Variants in RFX4 observed in about 807,000 individuals in gnomAD.
RFX4 encodes the protein regulatory factor X4.
Under a neutral mutation model 95.0 loss-of-function variants are expected in RFX4, and 10 were observed. That is an observed-to-expected ratio of 0.11 (90% confidence interval 0.06 to 0.18). The LOEUF (loss-of-function observed/expected upper bound fraction) is 0.18. Ranked by LOEUF, RFX4 falls within the 10% of genes least tolerant of loss-of-function variation. The probability of loss-of-function intolerance (pLI) is 1.00; values close to 1 mark genes in which losing one functional copy is unlikely to be tolerated. For missense variants in RFX4, 640 were observed against 922.0 expected (o/e 0.69, Z 3.96); for synonymous variants, 321 against 340.7 (o/e 0.94, Z 0.64).
intron 2 of RFX4, among the ~76,000 whole-genome samples, chr12:106,627,703 G>A (rs577706812): frequency 6.6e-6 from 1 of 152,318 alleles, no homozygotes; most frequent in Non-Finnish European, 1.5e-5. Context: ...AAGAGGAAAT[G>A]TCATTAAACC....
chr12:106,731,016 A>G (rs991399475), intron 13 of RFX4, among the ~76,000 whole-genome samples: 15 of 152,160 alleles, frequency 9.9e-5, no homozygotes, highest in Admixed American at 2.6e-4. Flanking sequence ...AAAAGTCTCT[A>G]AAAAAGCAAA....
chr12:106,639,437 T>G lies in RFX4; in HGVS notation c.191+45T>G, dbSNP rs926082034. On this transcript the variant is annotated intron_variant, in intron 3 of 17. Coordinates refer to ENST00000392842, the MANE Select transcript of RFX4 (RefSeq NM_213594.3). ...AAGTTCTGTCTTCAGAGGATGCTCATATCTTCTTGTCTATAGGATAGGATA... is the reference window on the plus strand; with the variant it reads ...AAGTTCTGTCTTCAGAGGATGCTCAGATCTTCTTGTCTATAGGATAGGATA... 8 of 1,532,016 alleles carry G rather than the reference T, an allele frequency of 5.2e-6. No individual in the cohort carries two copies. The African/African-American group carries it at 1.1e-4, about 21-fold the overall frequency. 94.9% of individuals were successfully genotyped at this position (1,532,016 alleles called of 1,614,324 possible).
chr12:106,686,622 TTTGAC>T (rs2137417756), intron 5 of RFX4, among the ~76,000 whole-genome samples: 1 of 152,272 alleles, frequency 6.6e-6, no homozygotes, highest in African/African-American at 2.4e-5. Flanking sequence ...TTGCAAAGTA[TTTGAC>T]TTAACGTTTT....
chr12:106,633,492 A>G (rs1018309470), intron 2 of RFX4, among the ~76,000 whole-genome samples: 6 of 152,238 alleles, frequency 3.9e-5, no homozygotes, highest in African/African-American at 1.4e-4. Context: ...AATGAATGCT[A>G]TTATTAGTAT....
intron 13 of RFX4, among the ~76,000 whole-genome samples, chr12:106,721,079 G>A (rs2137530736): frequency 6.6e-6 from 1 of 152,264 alleles, no homozygotes; most frequent in East Asian, 1.9e-4. Flanking sequence ...ATCTGAAAAT[G>A]AGTGGTTTTG....
At chr12:106,595,144 T>C (rs1006751) in intron 1 of RFX4, among the ~76,000 whole-genome samples, 109,565 of 151,972 alleles carry the variant, frequency 0.72, 39,864 homozygotes, top group East Asian at 0.96. Flanking sequence ...GTATTATTAC[T>C]CCCAGTTTAC....
At chr12:106,688,126 G>A (rs955571316) in intron 6 of RFX4, among the ~76,000 whole-genome samples, 1 of 140,884 alleles carries the variant, frequency 7.1e-6, no homozygotes, top group East Asian at 2.1e-4. Flanking sequence ...CTAGAGTGCA[G>A]TGGCGCAATC....
intron 4 of RFX4, among the ~76,000 whole-genome samples, chr12:106,679,606 T>C (rs191734837): frequency 5.9e-5 from 9 of 152,338 alleles, no homozygotes; most frequent in African/African-American, 2.2e-4. Flanking sequence ...CTCTTGGAAC[T>C]CTATTGTATT....
At chr12:106,620,856 T>A (rs2040171659) in intron 2 of RFX4, among the ~76,000 whole-genome samples, 1 of 151,986 alleles carries the variant, frequency 6.6e-6, no homozygotes, top group Non-Finnish European at 1.5e-5. Context: ...ATGCATTCCT[T>A]TCCCAAGGAA....
chr12:106,715,632 A>C, intron 11 of RFX4, 88 bp downstream of exon 11: 1 of 1,440,184 alleles, frequency 6.9e-7, no homozygotes, highest in Non-Finnish European at 9.6e-7. Flanking sequence ...TGGCATCCCC[A>C]CCCTGTTCTT....
At position 106,718,833 on chromosome 12, in the gene RFX4, G is replaced by A. The variant is rs371905453; in HGVS notation, c.1139-1127G>A. On this transcript the variant is annotated intron_variant, in intron 11 of 17. Coordinates refer to ENST00000392842, the MANE Select transcript of RFX4 (RefSeq NM_213594.3). ...CATTGATTAAAAAGCACTTCCAGCC[G>A]GGCGTGGTGGTGCACGCCTGTAATC... 1.6e-4 allele frequency among the ~76,000 whole-genome samples: 25 copies of A among 152,096 alleles called. No individual in the cohort carries two copies. In the East Asian group the frequency reaches 2.3e-3, roughly 14 times the overall value.
intron 2 of RFX4, among the ~76,000 whole-genome samples, chr12:106,614,756 G>A (rs373015942): frequency 2.0e-5 from 3 of 152,034 alleles, no homozygotes; most frequent in Admixed American, 6.6e-5. Context: ...TGATCTACCC[G>A]CCTTGGCCTC....
At chr12:106,658,160 GTCAGGGACCATGTGAA>G (rs2137329859) in intron 4 of RFX4, among the ~76,000 whole-genome samples, 1 of 152,200 alleles carries the variant, frequency 6.6e-6, no homozygotes, top group African/African-American at 2.4e-5. Flanking sequence ...TACATTACTT[GTCAGGGACCATGTGAA>G]TCACTTTTAC....
At chr12:106,593,325 G>A (rs7314574) in intron 1 of RFX4, among the ~76,000 whole-genome samples, 106,679 of 152,146 alleles carry the variant, frequency 0.7, 37,648 homozygotes, top group East Asian at 0.96. Flanking sequence ...GCTAAAGACC[G>A]GTGTTTAGAC....
Position 106,608,878 on chromosome 12 carries a change from A to T in RFX4, c.125A>T (p.Asp42Val), listed in dbSNP as rs1238214256. 10 of 1,610,462 alleles carry T rather than the reference A, an allele frequency of 6.2e-6. No homozygotes were observed. In the East Asian group the frequency reaches 2.2e-4, roughly 36 times the overall value. ...SHTSLGNVSNDENEEKENNRA... is the reference protein window; with the variant it reads ...SHTSLGNVSNVENEEKENNRA... ...ACATCTCTGGGGAATGTTTCTAATG[A>T]TGAAAGTAAGTGCTTGAAACTCATT... Residue 42 changes from aspartate to valine, a missense_variant, in exon 2 of 18, where the codon GAT becomes GTT. Transcript: ENST00000392842.
At chr12:106,591,424 C>T (rs1241334433) in intron 1 of RFX4, among the ~76,000 whole-genome samples, 5 of 151,756 alleles carry the variant, frequency 3.3e-5, no homozygotes, top group African/African-American at 7.3e-5. Flanking sequence ...CCCGCCACCA[C>T]GCTGGCTAAT....
intron 1 of RFX4, among the ~76,000 whole-genome samples, chr12:106,607,909 G>C (rs1236689588): frequency 6.6e-6 from 1 of 152,134 alleles, no homozygotes; most frequent in Admixed American, 6.5e-5. Flanking sequence ...GGGCTACATA[G>C]TGGCTGGGCA....
chr12:106,684,019 G>A (rs891676565), intron 5 of RFX4, among the ~76,000 whole-genome samples: 2 of 152,176 alleles, frequency 1.3e-5, no homozygotes, highest in African/African-American at 4.8e-5. Context: ...TCTCCAACCT[G>A]CATCATGGCC....
intron 2 of RFX4, among the ~76,000 whole-genome samples, chr12:106,633,398 A>C (rs1433866721): frequency 6.6e-6 from 1 of 152,242 alleles, no homozygotes; most frequent in African/African-American, 2.4e-5. Context: ...GGGGATATAA[A>C]ACTTCTTCAT....
Sources: gnomAD v4.1 joint callset for allele counts (sites outside exome capture counted in the v4.1 genomes callset) on GRCh38, gnomAD v4.1.1 for gene constraint, MANE v1.5 for transcripts, NCBI Gene and HGNC (gene_info 2026-07-23, HGNC 2026-07-21) for gene names.